The following MCTP1 variants were observed in gnomAD, a reference collection of about 807,000 sequenced individuals.
MCTP1 encodes the protein multiple C2 and transmembrane domain-containing protein 1.
A neutral mutation model predicts 120.6 loss-of-function variants in MCTP1; 69 were observed. The observed-to-expected ratio is 0.57, with a 90% confidence interval of 0.47 to 0.70. The LOEUF is 0.70. Ranked by LOEUF, MCTP1 falls within the 30% of genes least tolerant of loss-of-function variation. MCTP1 has a pLI of 0.00. For missense variants in MCTP1, 1,203 were observed against 1,248.8 expected (o/e 0.96, Z 0.55); for synonymous variants, 529 against 493.1 (o/e 1.07, Z -0.96).
chr5:95,101,688 A>G (rs1438062042), intron 1 of MCTP1, among the ~76,000 whole-genome samples: 1 of 152,192 alleles, frequency 6.6e-6, no homozygotes, highest in Non-Finnish European at 1.5e-5. Flanking sequence ...CCAACACTGC[A>G]TTAGTTAGTG....
chr5:95,162,732 G>T (rs1446379875), intron 1 of MCTP1, among the ~76,000 whole-genome samples: 1 of 152,148 alleles, frequency 6.6e-6, no homozygotes, highest in Non-Finnish European at 1.5e-5. Context: ...ATAATAGCCT[G>T]CTTCATTCTG....
intron 1 of MCTP1, among the ~76,000 whole-genome samples, chr5:95,169,474 C>G (rs565943242): frequency 1.3e-5 from 2 of 152,232 alleles, no homozygotes; most frequent in Non-Finnish European, 2.9e-5. Context: ...AGGAATAGTA[C>G]CAGCTCCTCC....
intron 2 of MCTP1, among the ~76,000 whole-genome samples, chr5:94,958,873 C>T (rs1172468808): frequency 6.6e-6 from 1 of 152,156 alleles, no homozygotes; most frequent in South Asian, 2.1e-4. Context: ...CCTTCTAAAA[C>T]TATTCCAAAC....
intron 1 of MCTP1, among the ~76,000 whole-genome samples, chr5:95,183,971 C>T (rs1236238932): frequency 2.7e-5 from 4 of 150,542 alleles, no homozygotes; most frequent in Admixed American, 2.0e-4. Context: ...AACACATGGA[C>T]GCAGGGAGGG....
chr5:94,827,778 C>T (rs534211177), intron 17 of MCTP1, among the ~76,000 whole-genome samples: 1 of 151,450 alleles, frequency 6.6e-6, no homozygotes, highest in Non-Finnish European at 1.5e-5. Context: ...CTTGTGTATG[C>T]CTCACGAAGT....
chr5:94,802,920 A>T (rs929989374), intron 17 of MCTP1, among the ~76,000 whole-genome samples: 1 of 152,114 alleles, frequency 6.6e-6, no homozygotes, highest in Non-Finnish European at 1.5e-5. Flanking sequence ...GGTGATAAGG[A>T]CACTCACAAA....
chr5:95,091,995 G>T (rs1244495367), intron 1 of MCTP1, among the ~76,000 whole-genome samples: 1 of 152,174 alleles, frequency 6.6e-6, no homozygotes, highest in Non-Finnish European at 1.5e-5. Context: ...GTCAGCAAAG[G>T]CTCAAAGGGA....
chr5:94,857,629 G>A (rs152286), intron 17 of MCTP1, among the ~76,000 whole-genome samples: 123,814 of 151,550 alleles, frequency 0.82, 51,230 homozygotes, highest in East Asian at 0.93. Context: ...CTCAGAAACA[G>A]AAACCTATGT....
At chr5:95,116,923 G>T (rs1757863467) in intron 1 of MCTP1, among the ~76,000 whole-genome samples, 1 of 152,168 alleles carries the variant, frequency 6.6e-6, no homozygotes, top group African/African-American at 2.4e-5. Flanking sequence ...ACCAACTTAA[G>T]AATCTTTTGG....
chr5:94,843,713 T>A (rs1425537473), intron 17 of MCTP1, among the ~76,000 whole-genome samples: 1 of 152,128 alleles, frequency 6.6e-6, no homozygotes, highest in Non-Finnish European at 1.5e-5. Flanking sequence ...TAGTCAATAC[T>A]AAAGCTAAAG....
intron 17 of MCTP1, among the ~76,000 whole-genome samples, chr5:94,837,557 G>C (rs1790084685): frequency 6.6e-6 from 1 of 152,150 alleles, no homozygotes. Context: ...ATTGTTATTA[G>C]AGTTAAATGA....
At position 94,888,890 on chromosome 5, in the gene MCTP1, G is replaced by A. The variant is rs778561506; in HGVS notation, c.1922C>T (p.Ala641Val). Reference protein sequence around the residue: ...KVIRAEGLMAADVTGKSDPFC... With the variant: ...KVIRAEGLMAVDVTGKSDPFC... ...GCATCATCTCTTACCAGTGACGTCG[G>A]CAGCCATTAACCCTTCCGCTCTGAT... Residue 641 changes from alanine to valine, a missense_variant, in exon 12 of 23, where the codon GCC (alanine) becomes GTC (valine). Ala to Val is a moderately conservative substitution (Grantham distance 64). Transcript: ENST00000515393. 3.7e-6 allele frequency: 6 copies of A among 1,610,210 alleles called. No individual in the cohort carries two copies. The highest frequency in any genetic ancestry group is 5.1e-6 in the Non-Finnish European group (6 of 1,176,800).
chr5:94,759,518 A>G (rs994448385), intron 19 of MCTP1, among the ~76,000 whole-genome samples: 1 of 152,266 alleles, frequency 6.6e-6, no homozygotes, highest in African/African-American at 2.4e-5. Flanking sequence ...AGTTATATAT[A>G]AATAGTAACA....
At chr5:95,124,314 C>G (rs1288094784) in intron 1 of MCTP1, among the ~76,000 whole-genome samples, 1 of 152,186 alleles carries the variant, frequency 6.6e-6, no homozygotes, top group Non-Finnish European at 1.5e-5. Flanking sequence ...TAAAGATGAG[C>G]GAGCTGACAG....
At chr5:94,835,589 G>T (rs548823409) in intron 17 of MCTP1, among the ~76,000 whole-genome samples, 1 of 152,116 alleles carries the variant, frequency 6.6e-6, no homozygotes, top group Non-Finnish European at 1.5e-5. Flanking sequence ...TTCATAATAC[G>T]TACTCACTAA....
intron 1 of MCTP1, among the ~76,000 whole-genome samples, chr5:95,250,405 G>A (rs1224137416): frequency 1.3e-5 from 2 of 152,154 alleles, no homozygotes; most frequent in Non-Finnish European, 2.9e-5. Context: ...ACTTCGTGTT[G>A]TGTGTCAGTA....
At chr5:94,962,012 T>C (rs168708) in intron 2 of MCTP1, among the ~76,000 whole-genome samples, 6,545 of 152,154 alleles carry the variant, frequency 0.043, 179 homozygotes, top group East Asian at 0.087. Context: ...TCAAAGGAGA[T>C]ATACAAATTA....
At chr5:95,041,075 GT>G (rs372894926) in intron 1 of MCTP1, among the ~76,000 whole-genome samples, 2 of 151,136 alleles carry the variant, frequency 1.3e-5, no homozygotes, top group African/African-American at 2.4e-5. Context: ...GTCAGTTCGA[GT>G]TTTTTTTTGT....
chr5:95,166,823 T>A (rs1315090578), intron 1 of MCTP1, among the ~76,000 whole-genome samples: 2 of 152,030 alleles, frequency 1.3e-5, no homozygotes, highest in Non-Finnish European at 2.9e-5. Flanking sequence ...CGCCTCAGCC[T>A]CCCAAAGTGC....
Sources: gnomAD v4.1 joint callset for allele counts (sites outside exome capture counted in the v4.1 genomes callset) on GRCh38, gnomAD v4.1.1 for gene constraint, MANE v1.5 for transcripts, NCBI Gene and HGNC (gene_info 2026-07-23, HGNC 2026-07-21) for gene names.